The following CPXM2 variants were observed in gnomAD, a reference collection of about 807,000 sequenced individuals.
The protein encoded by CPXM2 is carboxypeptidase X, M14 family member 2, also known as inactive carboxypeptidase-like protein X2.
Under a neutral mutation model 86.1 loss-of-function variants are expected in CPXM2, and 66 were observed. The ratio of observed to expected loss-of-function variants is 0.77; its 90% CI spans 0.63 to 0.94. The LOEUF is 0.94. Among genes scored for constraint, CPXM2 ranks in the 40% least tolerant of loss-of-function variants. The pLI is 0.00. For synonymous variants in CPXM2, 388 were observed against 400.2 expected (o/e 0.97, Z 0.36); for missense variants, 948 against 1,026.3 (o/e 0.92, Z 1.04).
chr10:123,776,047 T>C (rs1274734915), intron 7 of CPXM2, among the ~76,000 whole-genome samples: 3 of 152,284 alleles, frequency 2.0e-5, no homozygotes, highest in Non-Finnish European at 4.4e-5. Context: ...AGGAATAGAA[T>C]TTTCACCATG....
chr10:123,758,793 C>T (rs1846271373), intron 11 of CPXM2, among the ~76,000 whole-genome samples: 1 of 152,194 alleles, frequency 6.6e-6, no homozygotes, highest in Non-Finnish European at 1.5e-5. Context: ...TCTGACCACC[C>T]TCCCTGGGCT....
chr10:123,776,968 A>G (rs757242009), intron 7 of CPXM2: 2 of 152,200 alleles, frequency 1.3e-5, no homozygotes, highest in African/African-American at 4.8e-5. Flanking sequence ...CTCTTCTGCC[A>G]TCGTTCCTCA....
chr10:123,871,764 T>C (rs1423500084), intron 2 of CPXM2, among the ~76,000 whole-genome samples: 1 of 151,630 alleles, frequency 6.6e-6, no homozygotes, highest in African/African-American at 2.4e-5. Flanking sequence ...AAGACACTTC[T>C]ACTAGAGTTA....
chr10:123,893,320 G>C (rs1945303716), upstream of CPXM2, among the ~76,000 whole-genome samples: 1 of 152,182 alleles, frequency 6.6e-6, no homozygotes, highest in African/African-American at 2.4e-5. Context: ...CATTGCCCTG[G>C]AGTGAGGACT....
intron 4 of CPXM2, among the ~76,000 whole-genome samples, chr10:123,807,265 T>C (rs1847600780): frequency 1.3e-5 from 2 of 151,614 alleles, no homozygotes; most frequent in Non-Finnish European, 1.5e-5. Context: ...TTTACCCCTT[T>C]GTGCCCTAGT....
chr10:123,838,943 G>A (rs573042873), intron 4 of CPXM2, among the ~76,000 whole-genome samples: 7 of 152,292 alleles, frequency 4.6e-5, no homozygotes, highest in African/African-American at 1.4e-4. Flanking sequence ...CCAGGCAGGC[G>A]ACTGTCCCCA....
chr10:123,787,772 A>C (rs1434317563), intron 6 of CPXM2, among the ~76,000 whole-genome samples: 1 of 152,082 alleles, frequency 6.6e-6, no homozygotes, highest in African/African-American at 2.4e-5. Context: ...CCTGCAACCC[A>C]GAAGCCCGGG....
At chr10:123,917,625 G>C (rs1945544278) in intron 2 of CPXM2, among the ~76,000 whole-genome samples, 1 of 152,210 alleles carries the variant, frequency 6.6e-6, no homozygotes, top group South Asian at 2.1e-4. Context: ...TTGAAGAGGA[G>C]AGAAGTATTA....
Position 123,798,053 on chromosome 10 carries a change from A to G in CPXM2, c.812T>C (p.Ile271Thr). The stretch of plus-strand genomic sequence containing the variant: ...AAACCAGGACTGAGGGTTTATGCGG[A>G]TGTAGCGGGCCACCATGGGGACGGG... Reference protein sequence around the residue: ...ELPVPMVARYIRINPQSWFDN... With the variant: ...ELPVPMVARYTRINPQSWFDN... The change falls in exon 6 of 14, where the codon ATC becomes ACC. Residue 271 changes from isoleucine (I) to threonine (T), a missense_variant. By Grantham distance (89) the Ile-to-Thr change is moderately conservative. Transcript: ENST00000241305. 6.2e-7 allele frequency: 1 copy of G among 1,612,298 alleles called. No individual in the cohort carries two copies. The highest frequency in any genetic ancestry group is 1.7e-5 in the Admixed American group (1 of 59,858).
Position 123,853,413 on chromosome 10 carries a change from GT to G in CPXM2, c.513+9200del, listed in dbSNP as rs149544606. Among the ~76,000 whole-genome samples the G allele has an allele frequency of 2.1e-3, 317 of 152,272 alleles. 1 individual carries two copies. The highest frequency in any genetic ancestry group is 0.01 in the Middle Eastern group (3 of 294). On this transcript the variant is annotated intron_variant, in intron 3 of 13. Coordinates refer to ENST00000241305, the MANE Select transcript of CPXM2 (RefSeq NM_198148.3). ...CAAGGTGGCAAGAATCCTTGTTTTGGTCATTTAGGCATCCTCAGCACCTAGA... is the reference window on the plus strand; with the variant it reads ...CAAGGTGGCAAGAATCCTTGTTTTGGCATTTAGGCATCCTCAGCACCTAGA...
chr10:123,842,602 A>T, intron 3 of CPXM2, 114 bp from the exon 4 acceptor site: 1 of 1,028,916 alleles, frequency 9.7e-7, no homozygotes, highest in Non-Finnish European at 1.4e-6. Context: ...GAAAATGAGG[A>T]AGGTGTTAAA....
Position 123,780,218 on chromosome 10 carries a change from G to A in CPXM2, c.927C>T (p.Thr309=), listed in dbSNP as rs1038054120. 7 of 1,611,234 alleles carry A rather than the reference G, an allele frequency of 4.3e-6. No individual in the cohort carries two copies. The highest frequency in any genetic ancestry group is 1.1e-5 in the South Asian group (1 of 91,026). The stretch of plus-strand genomic sequence containing the variant: ...GCTTAAAATCCAGGTCATCAGTGGT[G>A]GTCATCTCGTTCCGGCGGTGATAAT... The part of the protein sequence containing the change: ...NNYYHRRNEM[T]TTDDLDFKHH... Residue 309 remains threonine (T), a synonymous_variant, in exon 7 of 14, where the codon ACC becomes ACT. Coordinates refer to ENST00000241305, the MANE Select transcript of CPXM2 (RefSeq NM_198148.3).
chr10:123,942,707 G>C (rs957011477), upstream of CPXM2, among the ~76,000 whole-genome samples: 2 of 152,158 alleles, frequency 1.3e-5, no homozygotes, highest in African/African-American at 4.8e-5. Context: ...CCAGCCAGCA[G>C]CCCTCAGGAG....
At chr10:123,912,538 G>T (rs1028604474) in intron 2 of CPXM2, among the ~76,000 whole-genome samples, 1 of 152,224 alleles carries the variant, frequency 6.6e-6, no homozygotes, top group Non-Finnish European at 1.5e-5. Flanking sequence ...GAAAAGAAGG[G>T]GAGGGGCTGG....
intron 6 of CPXM2, among the ~76,000 whole-genome samples, chr10:123,781,645 C>T (rs999177102): frequency 6.6e-6 from 1 of 152,214 alleles, no homozygotes. Context: ...GGGCCGAACA[C>T]TCTGTGTTAT....
chr10:123,816,065 T>C (rs1847807553), intron 4 of CPXM2, among the ~76,000 whole-genome samples: 1 of 152,184 alleles, frequency 6.6e-6, no homozygotes, highest in African/African-American at 2.4e-5. Context: ...CTGATCTCCC[T>C]TGGTCTAGTG....
intron 2 of CPXM2, among the ~76,000 whole-genome samples, chr10:123,867,482 C>A (rs187107855): frequency 6.9e-6 from 1 of 144,930 alleles, no homozygotes; most frequent in African/African-American, 2.6e-5. Flanking sequence ...ATTCATTTTT[C>A]TTCTTTTCTT....
At position 123,761,430 on chromosome 10, in the gene CPXM2, T is replaced by C. The variant is rs562642727; in HGVS notation, c.1777+442A>G. 1.5e-4 allele frequency among the ~76,000 whole-genome samples: 23 copies of C among 152,260 alleles called. 1 individual carries two copies. The South Asian group carries it at 4.8e-3, about 32-fold the overall frequency. Reference sequence around the variant, plus strand: ...AACAGAATAGCTCTTACAGCTAAGATAAGAAAAACCTGGGCTCCAGCGCCA... The same window carrying C: ...AACAGAATAGCTCTTACAGCTAAGACAAGAAAAACCTGGGCTCCAGCGCCA... On this transcript the variant is annotated intron_variant, in intron 11 of 13. Coordinates refer to ENST00000241305, the MANE Select transcript of CPXM2 (RefSeq NM_198148.3).
intron 10 of CPXM2, among the ~76,000 whole-genome samples, chr10:123,766,471 G>T (rs1846474230): frequency 1.3e-5 from 2 of 152,144 alleles, no homozygotes; most frequent in African/African-American, 2.4e-5. Context: ...ATAATAAGAG[G>T]TATGGGAGAA....
Sources: allele counts gnomAD v4.1 joint callset (sites outside exome capture counted in the v4.1 genomes callset), GRCh38; gene constraint gnomAD v4.1.1; transcripts MANE v1.5; gene names NCBI Gene and HGNC (gene_info 2026-07-23, HGNC 2026-07-21).